The following METTL13 variants were observed in gnomAD, a reference collection of about 807,000 sequenced individuals.
METTL13 encodes the protein eEF1A lysine and N-terminal methyltransferase.
In METTL13, 52 loss-of-function variants were observed where a neutral mutation model predicts 67.4. The observed-to-expected ratio is 0.77, with a 90% CI of 0.62 to 0.97. METTL13 has a LOEUF of 0.97. Ranked by LOEUF, METTL13 falls within the 50% of genes least tolerant of loss-of-function variation. The pLI is 0.00. For synonymous variants in METTL13, 354 were observed against 353.6 expected (o/e 1.00, Z -0.01); for missense variants, 825 against 889.6 (o/e 0.93, Z 0.92).
chr1:171,786,717 G>C (rs531063434), intron 3 of METTL13, among the ~76,000 whole-genome samples: 1 of 152,084 alleles, frequency 6.6e-6, no homozygotes, highest in Non-Finnish European at 1.5e-5. Context: ...CTGGAGTTCA[G>C]TGGTGTGATC....
chr1:171,794,243 A>G (rs1156876220), intron 6 of METTL13, among the ~76,000 whole-genome samples, 153 bp from the exon 7 acceptor site: 1 of 152,262 alleles, frequency 6.6e-6, no homozygotes, highest in African/African-American at 2.4e-5. Flanking sequence ...GGGCCATGAC[A>G]TCAGTGCCCT....
Position 171,784,351 on chromosome 1 carries a change from G to A in METTL13, c.765G>A (p.Leu255=). The A allele has an allele frequency of 1.9e-6, 3 of 1,581,812 alleles. No individual in the cohort carries two copies. The highest frequency in any genetic ancestry group is 2.6e-6 in the Non-Finnish European group (3 of 1,163,690). The stretch of plus-strand genomic sequence containing the variant: ...AGGAGCGACAGCAGTATGCCTGGCT[G>A]TGCAGCCAGCTGCGCCGCAAGGCCA... ...AVQERQQYAW[L]CSQLRRKARL... Residue 255 remains leucine (L), a synonymous_variant, in exon 2 of 8, where the codon CTG becomes CTA. Transcript: ENST00000361735.
At chr1:171,793,086 G>A (rs1404755285) in intron 6 of METTL13, among the ~76,000 whole-genome samples, 3 of 152,158 alleles carry the variant, frequency 2.0e-5, no homozygotes, top group African/African-American at 7.2e-5. Flanking sequence ...CAGTTAGGTT[G>A]GTTCAGTTCT....
chr1:171,786,147 G>A (rs1657002994), intron 3 of METTL13, 69 bp downstream of exon 3: 3 of 1,489,330 alleles, frequency 2.0e-6, no homozygotes, highest in Non-Finnish European at 2.7e-6. Flanking sequence ...GGCAGAGGGA[G>A]CCTTGGCAGG....
intron 4 of METTL13, among the ~76,000 whole-genome samples, chr1:171,790,083 C>G (rs574358042): frequency 3.3e-5 from 5 of 152,086 alleles, no homozygotes; most frequent in Non-Finnish European, 7.4e-5. Context: ...GAAGGGAGAC[C>G]AGGTACATCA....
rs202234390 is a variant in METTL13 at position 171,784,472 on chromosome 1, C to T, written c.886C>T (p.Arg296Trp). 172 of 1,504,034 alleles carry T rather than the reference C, an allele frequency of 1.1e-4. No homozygotes were observed. The highest frequency in any genetic ancestry group is 1.5e-4 in the Non-Finnish European group (164 of 1,127,504). 93.2% of individuals were successfully genotyped at this position (1,504,034 alleles called of 1,614,324 possible). A position where few individuals can be genotyped will look rare whatever the true frequency, so the allele number is the denominator to read the frequency against. ...VVDSPTVKPS[R>W]DNHFAIFIIP... ...GGACAGCCCCACTGTGAAACCATCG[C>T]GGGACAATCATTTTGCGATTTTCAT... The change falls in exon 2 of 8, where the codon CGG becomes TGG. Residue 296 changes from arginine to tryptophan, a missense_variant. Coordinates refer to ENST00000361735, the MANE Select transcript of METTL13 (RefSeq NM_015935.5).
intron 5 of METTL13, 82 bp from the exon 6 acceptor site, chr1:171,791,934 CT>C: frequency 5.6e-6 from 8 of 1,427,820 alleles, no homozygotes; most frequent in Non-Finnish European, 7.8e-6. Flanking sequence ...AGTGAGCTGA[CT>C]TTCCCTTTTG....
intron 4 of METTL13, among the ~76,000 whole-genome samples, chr1:171,789,932 A>T (rs1571168506): frequency 6.6e-6 from 1 of 152,194 alleles, no homozygotes; most frequent in African/African-American, 2.4e-5. Flanking sequence ...TACGTTGCTT[A>T]TAAAGGAATA....
Position 171,790,351 on chromosome 1 carries a change from G to A in METTL13, c.1310-101G>A, listed in dbSNP as rs952269525. ...CAGTTTGCAAAATTTTAACGATTGGGTCTTTTGAGTGTTCAAGCCATCTGG... is the reference window on the plus strand; with the variant it reads ...CAGTTTGCAAAATTTTAACGATTGGATCTTTTGAGTGTTCAAGCCATCTGG... On this transcript the variant is annotated intron_variant, in intron 4 of 7. Transcript: ENST00000361735. 6 of 1,293,338 alleles carry A rather than the reference G, an allele frequency of 4.6e-6. No homozygotes were observed. In the Admixed American group the frequency reaches 1.2e-4, roughly 26 times the overall value. 80.1% of individuals were successfully genotyped at this position (1,293,338 alleles called of 1,614,324 possible).
At chr1:171,794,374 C>T (rs571532394) in intron 6 of METTL13, 22 bp from the exon 7 acceptor site, 1 of 1,613,862 alleles carries the variant, frequency 6.2e-7, no homozygotes, top group African/African-American at 1.3e-5. Context: ...AAGACAAGGA[C>T]TTGTTTCCTT....
chr1:171,790,065 C>T (rs1157793929), intron 4 of METTL13, among the ~76,000 whole-genome samples: 3 of 152,164 alleles, frequency 2.0e-5, no homozygotes, highest in African/African-American at 7.2e-5. Context: ...ACAATTATCA[C>T]AGAAGGTGAA....
rs1384581320 is a variant in METTL13 at position 171,781,940 on chromosome 1, T to A, written c.-28T>A. The A allele has an allele frequency of 6.2e-7, 1 of 1,613,354 alleles. No individual in the cohort carries two copies. The highest frequency in any genetic ancestry group is 8.5e-7 in the Non-Finnish European group (1 of 1,179,576). ...GTATCTCACAGGGAATAGGGGAGTCTTGAAAACGCAGCTTCGGCAGTAGGA... is the reference window on the plus strand; with the variant it reads ...GTATCTCACAGGGAATAGGGGAGTCATGAAAACGCAGCTTCGGCAGTAGGA... On this transcript the variant is annotated 5_prime_UTR_variant, in exon 1 of 8. In the 5' UTR this introduces an upstream ATG that the reference lacks. Transcript: ENST00000361735.
At chr1:171,794,346 GTAT>G in intron 6 of METTL13, 47 bp from the exon 7 acceptor site, 2 of 1,612,324 alleles carry the variant, frequency 1.2e-6, no homozygotes, top group South Asian at 1.1e-5. Context: ...AATGTAAATG[GTAT>G]TATTTTATCC....
chr1:171,796,462 CT>C lies in METTL13; in HGVS notation c.1826-16del. On this transcript the variant is annotated intron_variant, in intron 7 of 7. Coordinates refer to ENST00000361735, the MANE Select transcript of METTL13 (RefSeq NM_015935.5). ...GTCTCCTGATGTGAGGTCATTCTGA[CT>C]TTTCTTCCTACCCTATAGGTGTTTT... The C allele has an allele frequency of 6.2e-7, 1 of 1,612,418 alleles. No individual in the cohort carries two copies. The highest frequency in any genetic ancestry group is 1.7e-5 in the Admixed American group (1 of 59,814).
At chr1:171,789,693 G>A (rs1415010036) in intron 4 of METTL13, among the ~76,000 whole-genome samples, 1 of 152,198 alleles carries the variant, frequency 6.6e-6, no homozygotes, top group Non-Finnish European at 1.5e-5. Flanking sequence ...CTTTTCTCCT[G>A]TTAGTGGCCT....
chr1:171,796,562 C>G lies in METTL13; in HGVS notation c.1906C>G (p.Leu636Val). 1.2e-6 allele frequency: 2 copies of G among 1,614,178 alleles called. No individual in the cohort carries two copies. Among genetic ancestry groups the G allele is most frequent in the Non-Finnish European group, 1.7e-6 (2 of 1,180,046 alleles). ...VLAGLKAVFP[L>V]LYVRRIEGEV... ...GGCTGGGCTCAAGGCAGTGTTCCCCCTCCTATATGTCCGGCGAATTGAGGG... is the reference window on the plus strand; with the variant it reads ...GGCTGGGCTCAAGGCAGTGTTCCCCGTCCTATATGTCCGGCGAATTGAGGG... The change falls in exon 8 of 8, where the codon CTC (leucine) becomes GTC (valine). Residue 636 changes from leucine to valine, a missense_variant. By Grantham distance (32) the Leu-to-Val change is conservative. Transcript: ENST00000361735.
At position 171,787,780 on chromosome 1, in the gene METTL13, C is replaced by G; in HGVS notation, c.1159C>G (p.Gln387Glu). The G allele has an allele frequency of 6.2e-7, 1 of 1,614,148 alleles. No homozygotes were observed. The highest frequency in any genetic ancestry group is 8.5e-7 in the Non-Finnish European group (1 of 1,180,026). Residue 387 changes from glutamine to glutamate, a missense_variant, in exon 4 of 8, where the codon CAG becomes GAG. Physicochemically the swap from Gln to Glu is conservative, Grantham distance 29. Coordinates refer to ENST00000361735, the MANE Select transcript of METTL13 (RefSeq NM_015935.5). ...TGGGGACATTGGGGTCCGGACCGTT[C>G]AGCACCAAGACTGCAGCCCCTTGAG... is the stretch of plus-strand genomic sequence containing the variant. ...VGGDIGVRTV[Q>E]HQDCSPLSGD...
In METTL13 at chr1:171,790,497, A is replaced by C; in HGVS notation, c.1355A>C (p.Asp452Ala). ...KKDRKKQRPA[D>A]AEDLPAAPGQ... ...GACAGGAAGAAGCAGCGGCCTGCTG[A>C]TGCGGAGGACCTCCCTGCAGCCCCG... Residue 452 changes from aspartate (D) to alanine (A), a missense_variant, in exon 5 of 8, where the codon GAT (aspartate) becomes GCT (alanine). Coordinates refer to ENST00000361735, the MANE Select transcript of METTL13 (RefSeq NM_015935.5). 6.2e-7 allele frequency: 1 copy of C among 1,610,942 alleles called. No homozygotes were observed.
At chr1:171,787,139 C>G (rs551881270) in intron 3 of METTL13, among the ~76,000 whole-genome samples, 1 of 151,994 alleles carries the variant, frequency 6.6e-6, no homozygotes, top group South Asian at 2.1e-4. Context: ...CCTGAGTCTG[C>G]AGGGTCAGGA....
Sources: gnomAD v4.1 joint callset for allele counts (sites outside exome capture counted in the v4.1 genomes callset) on GRCh38, gnomAD v4.1.1 for gene constraint, MANE v1.5 for transcripts, NCBI Gene and HGNC (gene_info 2026-07-23, HGNC 2026-07-21) for gene names.